Variants in KAZN observed in about 807,000 individuals in gnomAD.
The protein encoded by KAZN is kazrin.
Under a neutral mutation model 87.4 loss-of-function variants are expected in KAZN, and 40 were observed. That is an observed-to-expected ratio of 0.46 (90% CI 0.36 to 0.60). The LOEUF (loss-of-function observed/expected upper bound fraction) is 0.60, where lower values mean the gene tolerates loss of function less well. Ranked by LOEUF, KAZN falls within the 20% of genes least tolerant of loss-of-function variation. The pLI, the probability that KAZN is intolerant of heterozygous loss-of-function variation, is 0.00. For missense variants in KAZN, 898 were observed against 1,073.9 expected (o/e 0.84, Z 2.29); for synonymous variants, 466 against 458.3 (o/e 1.02, Z -0.22).
At chr1:14,319,530 CTT>C (rs778052572) in intron 2 of KAZN, among the ~76,000 whole-genome samples, 2 of 152,288 alleles carry the variant, frequency 1.3e-5, no homozygotes, top group East Asian at 3.9e-4. Context: ...TTCTCGGGCT[CTT>C]TTTCTGTAGA....
chr1:14,130,942 C>T (rs717539), intron 1 of KAZN, among the ~76,000 whole-genome samples: 86,810 of 151,858 alleles, frequency 0.57, 26,052 homozygotes, highest in East Asian at 0.76. Flanking sequence ...TGTATTAGTC[C>T]GTTTTTGCAC....
intron 2 of KAZN, among the ~76,000 whole-genome samples, chr1:14,394,775 G>A (rs1015249821): frequency 6.6e-6 from 1 of 152,162 alleles, no homozygotes; most frequent in African/African-American, 2.4e-5. Flanking sequence ...TTATCTTGTT[G>A]AACGCAGTAA....
At chr1:14,639,518 T>C (rs1680263361) in intron 1 of KAZN, among the ~76,000 whole-genome samples, 1 of 152,176 alleles carries the variant, frequency 6.6e-6, no homozygotes, top group South Asian at 2.1e-4. Context: ...TTTGAGGCAG[T>C]ATAAATGCCC....
At chr1:14,361,843 T>A (rs776004669) in intron 2 of KAZN, among the ~76,000 whole-genome samples, 8 of 152,178 alleles carry the variant, frequency 5.3e-5, no homozygotes, top group Non-Finnish European at 1.0e-4. Context: ...CCATCTTGAG[T>A]CATTTACCCG....
chr1:14,160,803 T>A (rs961731541), intron 1 of KAZN, among the ~76,000 whole-genome samples: 4 of 152,200 alleles, frequency 2.6e-5, no homozygotes, highest in African/African-American at 9.7e-5. Context: ...TTATCCTTGG[T>A]AGGTGGGTGA....
intron 1 of KAZN, among the ~76,000 whole-genome samples, chr1:14,741,416 T>G (rs1435889758): frequency 1.3e-5 from 2 of 152,190 alleles, no homozygotes; most frequent in Admixed American, 6.5e-5. Flanking sequence ...AGACCTACAG[T>G]TTTTTTCTTG....
At chr1:14,188,473 A>G (rs1261312737) in intron 2 of KAZN, among the ~76,000 whole-genome samples, 1 of 152,048 alleles carries the variant, frequency 6.6e-6, no homozygotes, top group Non-Finnish European at 1.5e-5. Context: ...AGGAACCGGG[A>G]TCTCAGGCTT....
chr1:14,762,855 T>C (rs775587568), intron 1 of KAZN, among the ~76,000 whole-genome samples: 1 of 146,834 alleles, frequency 6.8e-6, no homozygotes, highest in East Asian at 2.0e-4. Context: ...TCAGTGCTGA[T>C]GGCAACAATA....
chr1:14,391,258 C>A (rs957744068), intron 2 of KAZN, among the ~76,000 whole-genome samples: 7 of 152,266 alleles, frequency 4.6e-5, no homozygotes, highest in Admixed American at 6.5e-5. Flanking sequence ...TTTGAGGGAT[C>A]CTTTTCAGGC....
chr1:14,368,267 G>T (rs1432486229), intron 2 of KAZN, among the ~76,000 whole-genome samples: 1 of 152,166 alleles, frequency 6.6e-6, no homozygotes, highest in African/African-American at 2.4e-5. Context: ...AAGCAGTGTT[G>T]TCTTTGGAAG....
At chr1:14,380,610 T>C (rs776603498) in intron 2 of KAZN, among the ~76,000 whole-genome samples, 8 of 152,108 alleles carry the variant, frequency 5.3e-5, no homozygotes, top group Non-Finnish European at 1.5e-5. Flanking sequence ...ATAGCAGAAT[T>C]GATCAAGCAG....
At chr1:14,228,019 G>C (rs1254396921) in intron 2 of KAZN, among the ~76,000 whole-genome samples, 1 of 152,014 alleles carries the variant, frequency 6.6e-6, no homozygotes, top group Non-Finnish European at 1.5e-5. Flanking sequence ...TGCCCATCCT[G>C]GTTATTTATC....
intron 1 of KAZN, among the ~76,000 whole-genome samples, chr1:14,884,243 T>G (rs1243919135): frequency 6.6e-6 from 1 of 151,926 alleles, no homozygotes; most frequent in Non-Finnish European, 1.5e-5. Context: ...AATACAAAAA[T>G]TAGCTGGGTG....
intron 1 of KAZN, among the ~76,000 whole-genome samples, chr1:14,075,395 C>T (rs557252470): frequency 3.9e-5 from 6 of 152,156 alleles, no homozygotes; most frequent in South Asian, 4.2e-4. Context: ...TCACCTTTGT[C>T]GCAAGAGAAG....
At chr1:14,994,822 A>G (rs1667714644) in intron 2 of KAZN, among the ~76,000 whole-genome samples, 2 of 152,222 alleles carry the variant, frequency 1.3e-5, no homozygotes, top group South Asian at 4.1e-4. Flanking sequence ...CCTGCCTTAT[A>G]AGAGGAACAT....
intron 2 of KAZN, among the ~76,000 whole-genome samples, chr1:14,491,403 T>A (rs1669638805): frequency 6.6e-6 from 1 of 152,164 alleles, no homozygotes; most frequent in Admixed American, 6.5e-5. Context: ...GCTGCACCCA[T>A]CAATCCGTCG....
intron 2 of KAZN, among the ~76,000 whole-genome samples, chr1:14,321,911 T>C (rs540990843): frequency 1.3e-4 from 20 of 152,308 alleles, no homozygotes; most frequent in African/African-American, 4.1e-4. Context: ...TGGACTTCCC[T>C]AGGGAAATGA....
At chr1:14,054,465 T>TGAA (rs562974925) in intron 1 of KAZN, among the ~76,000 whole-genome samples, 265 of 152,260 alleles carry the variant, frequency 1.7e-3, no homozygotes, top group African/African-American at 6.3e-3. Context: ...GAGGACAGGA[T>TGAA]GAAGAAAGTC....
At chr1:14,911,605 G>A (rs943208752) in intron 1 of KAZN, among the ~76,000 whole-genome samples, 1 of 152,236 alleles carries the variant, frequency 6.6e-6, no homozygotes, top group Non-Finnish European at 1.5e-5. Flanking sequence ...GTCACTGGGA[G>A]AGCCCACACC....
Sources: gnomAD v4.1 joint callset for allele counts (sites outside exome capture counted in the v4.1 genomes callset) on GRCh38, gnomAD v4.1.1 for gene constraint, MANE v1.5 for transcripts, NCBI Gene and HGNC (gene_info 2026-07-23, HGNC 2026-07-21) for gene names.